ABHD2: variants seen among roughly 807,000 people sequenced by gnomAD.
ABHD2 encodes monoacylglycerol lipase ABHD2.
Under a neutral mutation model 48.1 loss-of-function variants are expected in ABHD2, and 20 were observed. The observed-to-expected ratio is 0.42, with a 90% CI of 0.29 to 0.60. The LOEUF (loss-of-function observed/expected upper bound fraction) is 0.60, where lower values mean the gene tolerates loss of function less well. Among genes scored for constraint, ABHD2 ranks in the 20% least tolerant of loss-of-function variants. The pLI, the probability that ABHD2 is intolerant of heterozygous loss-of-function variation, is 0.24. For missense variants in ABHD2, 405 were observed against 550.9 expected, an observed-to-expected ratio of 0.74 and a Z score of 2.65; for synonymous variants, 209 against 214.2, an observed-to-expected ratio of 0.98 and a Z score of 0.21.
At chr15:89,046,417 G>T in the ABHD2 span, among the ~76,000 whole-genome samples, 1 of 151,946 alleles carries the variant, frequency 6.6e-6, no homozygotes, top group African/African-American at 2.4e-5. Context: ...CTCATAAAAT[G>T]AGTTAGGGAG....
chr15:89,185,318 C>A lies in ABHD2; in HGVS notation c.723-106C>A, dbSNP rs922309430. On this transcript the variant is annotated intron_variant, in intron 6 of 10. Transcript: ENST00000352732. This position sits in a 1 kb window ranked among gnomAD's most constrained non-coding sequence, Gnocchi z 5.9. ...TAATGCAGAGGCCACAGCCTGAGAG[C>A]CGGCCCTCTCCACACAAGCACCTCA... 70 of 767,120 alleles carry A rather than the reference C, an allele frequency of 9.1e-5. No homozygotes were observed. The highest frequency in any genetic ancestry group is 1.5e-4 in the Non-Finnish European group (70 of 455,334). 47.5% of individuals were successfully genotyped at this position (767,120 alleles called of 1,614,324 possible).
At chr15:89,084,773 G>T (rs1374538976), upstream of ABHD2, among the ~76,000 whole-genome samples, 2 of 152,154 alleles carry the variant, frequency 1.3e-5, no homozygotes, top group Admixed American at 1.3e-4. The surrounding 1 kb of genome is among the most constrained non-coding windows in gnomAD (Gnocchi z 4.4). Context: ...TTAGGTATTT[G>T]CCAGGTACTG....
chr15:89,161,403 A>T (rs1456453909), intron 5 of ABHD2, among the ~76,000 whole-genome samples: 1 of 151,866 alleles, frequency 6.6e-6, no homozygotes, highest in Non-Finnish European at 1.5e-5. Flanking sequence ...TAATTTAATT[A>T]ATTTATTTAT....
chr15:89,109,447 T>C (rs890585528), intron 1 of ABHD2, among the ~76,000 whole-genome samples: 27 of 152,092 alleles, frequency 1.8e-4, no homozygotes, highest in Admixed American at 7.9e-4. Flanking sequence ...CAGCCCATCA[T>C]GAAGGTGGAG....
At chr15:89,076,436 T>G in the ABHD2 span, among the ~76,000 whole-genome samples, 1 of 152,200 alleles carries the variant, frequency 6.6e-6, no homozygotes, top group Non-Finnish European at 1.5e-5. Context: ...TAATATTCAT[T>G]CCCCAATTGT....
chr15:89,149,147 C>G (rs764648723), intron 3 of ABHD2, among the ~76,000 whole-genome samples: 6 of 151,800 alleles, frequency 4.0e-5, no homozygotes, highest in Non-Finnish European at 5.9e-5. Context: ...TTGAGACTTC[C>G]ACTGTGTATA....
Position 89,185,410 on chromosome 15 carries a change from T to C in ABHD2, c.723-14T>C. 3.7e-6 allele frequency: 6 copies of C among 1,613,336 alleles called. No homozygotes were observed. The highest frequency in any genetic ancestry group is 5.1e-6 in the Non-Finnish European group (6 of 1,179,402). On this transcript the variant is annotated splice_polypyrimidine_tract_variant and intron_variant, in intron 6 of 10. Transcript: ENST00000352732. The surrounding 1 kb of genome is among the most constrained non-coding windows in gnomAD (Gnocchi z 5.9). ...CCACACCGCAGTCACCCTCACTCGC[T>C]GTGGTTCTTCCAGGGCCCAGGAAAC... is the stretch of plus-strand genomic sequence containing the variant.
At chr15:89,063,227 T>G in the ABHD2 span, among the ~76,000 whole-genome samples, 2 of 152,084 alleles carry the variant, frequency 1.3e-5, no homozygotes, top group African/African-American at 4.8e-5. Context: ...CTCAGCCTCC[T>G]AAAGTGTTGG....
rs543488950 is a variant in ABHD2 at position 89,197,037 on chromosome 15, G to A, written c.*1614G>A. On this transcript the variant is annotated 3_prime_UTR_variant, in exon 11 of 11. Coordinates refer to ENST00000352732, the MANE Select transcript of ABHD2 (RefSeq NM_152924.5). This position sits in a 1 kb window ranked among gnomAD's most constrained non-coding sequence, Gnocchi z 4.4. ...GGAATATAAGTAGTGGGTCTGCATG[G>A]ATGTTTCAGGGATCAAAGGAGCCAC... 1.3e-5 allele frequency: 2 copies of A among 152,734 alleles called. No homozygotes were observed. The highest frequency in any genetic ancestry group is 2.1e-4 in the South Asian group (1 of 4,826). The allele number at this position is 152,734 out of a possible 1,614,324, so 9.5% of individuals were successfully genotyped here. A position where few individuals can be genotyped will look rare whatever the true frequency, so the allele number is the denominator to read the frequency against.
At chr15:89,187,541 TG>T (rs2150947473) in intron 7 of ABHD2, among the ~76,000 whole-genome samples, 1 of 152,298 alleles carries the variant, frequency 6.6e-6, no homozygotes, top group Non-Finnish European at 1.5e-5. Context: ...GAGCCCTTGC[TG>T]GGAAGAGAGG....
chr15:89,093,173 C>CTTTTTTTTTTT (rs71149272), intron 1 of ABHD2, among the ~76,000 whole-genome samples: 5 of 71,778 alleles, frequency 7.0e-5, no homozygotes, highest in Admixed American at 3.7e-4. Context: ...TTTTTTCATT[C>CTTTTTTTTTTT]TTTTTTTTTT....
At chr15:89,148,811 T>C (rs1179152156) in intron 3 of ABHD2, among the ~76,000 whole-genome samples, 2 of 152,248 alleles carry the variant, frequency 1.3e-5, no homozygotes, top group African/African-American at 2.4e-5. Context: ...ACCACATAGA[T>C]AGAAAAAGCA....
At chr15:89,099,542 G>A (rs945310939) in intron 1 of ABHD2, among the ~76,000 whole-genome samples, 1 of 152,052 alleles carries the variant, frequency 6.6e-6, no homozygotes, top group Non-Finnish European at 1.5e-5. Context: ...GAGCCCAGGA[G>A]TTCAGAGTTG....
chr15:89,109,475 G>A (rs1020670369), intron 1 of ABHD2, among the ~76,000 whole-genome samples: 1 of 152,066 alleles, frequency 6.6e-6, no homozygotes, highest in Admixed American at 6.6e-5. Flanking sequence ...TGGGGTGGGG[G>A]TAGGGAGACG....
the ABHD2 span, among the ~76,000 whole-genome samples, chr15:89,042,615 T>C: frequency 1.2e-5 from 1 of 85,870 alleles, no homozygotes; most frequent in South Asian, 2.7e-4. Flanking sequence ...TATTTATTTA[T>C]TTATTTATTT....
the ABHD2 span, among the ~76,000 whole-genome samples, chr15:89,051,232 T>TCAA: frequency 6.6e-6 from 1 of 152,146 alleles, no homozygotes; most frequent in Non-Finnish European, 1.5e-5. Flanking sequence ...AAACTCTGTC[T>TCAA]CAATAATAAT....
chr15:89,096,056 A>G (rs1010666606), intron 1 of ABHD2, among the ~76,000 whole-genome samples: 12 of 152,240 alleles, frequency 7.9e-5, no homozygotes, highest in African/African-American at 2.9e-4. Context: ...AGCACTGTGT[A>G]AATGAAGGCT....
In ABHD2 at chr15:89,174,723, C is replaced by G. The variant is rs1240891978; in HGVS notation, c.539-1089C>G. On this transcript the variant is annotated intron_variant, in intron 5 of 10. Coordinates refer to ENST00000352732, the MANE Select transcript of ABHD2 (RefSeq NM_152924.5). This position sits in a 1 kb window ranked among gnomAD's most constrained non-coding sequence, Gnocchi z 4.1. ...TTGTATGTGCTTTGCGTCGACATCC[C>G]TATCTTTCCATGTTAGATTTTAAAT... Among the ~76,000 whole-genome samples the G allele has an allele frequency of 6.6e-6, 1 of 152,188 alleles. No individual in the cohort carries two copies. The highest frequency in any genetic ancestry group is 1.5e-5 in the Non-Finnish European group (1 of 68,038).
chr15:89,096,524 G>C (rs908911042), intron 1 of ABHD2, among the ~76,000 whole-genome samples: 1 of 152,200 alleles, frequency 6.6e-6, no homozygotes, highest in Non-Finnish European at 1.5e-5. Flanking sequence ...CCCAGTGCAG[G>C]AATCGAAGCT....
Sources: allele counts gnomAD v4.1 joint callset (sites outside exome capture counted in the v4.1 genomes callset), GRCh38; gene constraint gnomAD v4.1.1; non-coding constraint Gnocchi (gnomAD v3.1); transcripts MANE v1.5; gene names NCBI Gene and HGNC (gene_info 2026-07-23, HGNC 2026-07-21).